The following NYAP2 variants were observed in gnomAD, a reference collection of about 807,000 sequenced individuals.
NYAP2 encodes the protein neuronal tyrosine-phosphorylated phosphoinositide-3-kinase adapter 2.
Under a neutral mutation model 50.4 loss-of-function variants are expected in NYAP2, and 23 were observed. That is an observed-to-expected ratio of 0.46 (90% CI 0.33 to 0.65). The LOEUF (loss-of-function observed/expected upper bound fraction) is 0.65, where lower values mean the gene tolerates loss of function less well. NYAP2 is among the 30% of genes least tolerant of loss of function. The probability of loss-of-function intolerance (pLI) is 0.02; values close to 1 mark genes in which losing one functional copy is unlikely to be tolerated. For missense variants in NYAP2, 885 were observed against 861.0 expected, an observed-to-expected ratio of 1.03 and a Z score of -0.35; for synonymous variants, 394 against 365.2, an observed-to-expected ratio of 1.08 and a Z score of -0.90.
chr2:225,492,675 C>A (rs188643467), intron 3 of NYAP2, among the ~76,000 whole-genome samples: 85 of 152,194 alleles, frequency 5.6e-4, no homozygotes, highest in Non-Finnish European at 8.8e-4. Flanking sequence ...TCTGGAGAGG[C>A]CTCAGGAAGT....
chr2:225,531,733 C>T (rs143825020), intron 4 of NYAP2, among the ~76,000 whole-genome samples: 30 of 152,318 alleles, frequency 2.0e-4, no homozygotes, highest in South Asian at 6.2e-4. Context: ...CCTCAGAGAG[C>T]GAGTGCATTT....
chr2:225,438,784 C>G (rs1689423732), intron 3 of NYAP2, among the ~76,000 whole-genome samples: 1 of 152,172 alleles, frequency 6.6e-6, no homozygotes, highest in Admixed American at 6.5e-5. Context: ...TGGAATTACA[C>G]ACGTCATACA....
the NYAP2 span, among the ~76,000 whole-genome samples, chr2:225,666,971 C>G: frequency 1.3e-5 from 2 of 151,800 alleles, no homozygotes; most frequent in African/African-American, 4.8e-5. Context: ...AATGTTATGC[C>G]AGGGTCAGAT....
intron 6 of NYAP2, among the ~76,000 whole-genome samples, chr2:225,641,300 G>C (rs1441451116): frequency 6.6e-6 from 1 of 152,044 alleles, no homozygotes; most frequent in East Asian, 1.9e-4. Flanking sequence ...AGAAGACTCT[G>C]TCTGAATTAT....
rs368025746 is a variant in NYAP2, at chr2:225,437,077, CAT to C, written c.221+27991_221+27992del. On this transcript the variant is annotated intron_variant, in intron 3 of 6. Transcript: ENST00000636099. ...AAGTGGAAAATACAGTTCATCAAAT[CAT>C]ATATATATATATATGTATATATAGC... Among the ~76,000 whole-genome samples the C allele has an allele frequency of 7.8e-3, 1,167 of 148,976 alleles. 11 individuals are homozygous for C. The highest frequency in any genetic ancestry group is 0.025 in the African/African-American group (1,024 of 40,736).
intron 5 of NYAP2, among the ~76,000 whole-genome samples, chr2:225,607,258 G>A (rs1299789530): frequency 6.6e-6 from 1 of 152,062 alleles, no homozygotes; most frequent in Non-Finnish European, 1.5e-5. Context: ...GGCAGAGAAA[G>A]TAAGAAAATG....
chr2:225,582,962 C>T lies in NYAP2; in HGVS notation c.1545C>T (p.Thr515=), dbSNP rs1692323954. The T allele has an allele frequency of 6.2e-7, 1 of 1,612,408 alleles. No homozygotes were observed. The highest frequency in any genetic ancestry group is 8.5e-7 in the Non-Finnish European group (1 of 1,179,740). ...CCACGAGCCCGCTGGAGGAGCTGAC[C>T]AGCCTCTTCTCCTCCGGCCGCAGCC... The change falls in exon 5 of 7, where the codon ACC becomes ACT. Residue 515 remains threonine, a synonymous_variant. Transcript: ENST00000636099. The surrounding 1 kb of genome is among the most constrained non-coding windows in gnomAD (Gnocchi z 7.0).
chr2:225,588,926 G>A (rs1692439878), intron 5 of NYAP2, among the ~76,000 whole-genome samples: 2 of 152,136 alleles, frequency 1.3e-5, no homozygotes, highest in Admixed American at 6.5e-5. Flanking sequence ...GACCTGAAGT[G>A]CCATCTACTA....
intron 4 of NYAP2, among the ~76,000 whole-genome samples, chr2:225,550,452 G>A (rs1691652827): frequency 6.6e-6 from 1 of 152,216 alleles, no homozygotes; most frequent in Non-Finnish European, 1.5e-5. Context: ...GGTGATCAGG[G>A]AAAAATAATC....
intron 4 of NYAP2, among the ~76,000 whole-genome samples, chr2:225,561,743 A>G (rs1691878852): frequency 6.6e-6 from 1 of 152,146 alleles, no homozygotes; most frequent in Non-Finnish European, 1.5e-5. Context: ...TGTAAAAATC[A>G]GTATGTTTTT....
intron 3 of NYAP2, among the ~76,000 whole-genome samples, chr2:225,490,140 A>G (rs766067904): frequency 3.9e-5 from 6 of 152,256 alleles, no homozygotes; most frequent in Middle Eastern, 3.4e-3. Context: ...CCTTTAATTC[A>G]TATCTATCCA....
chr2:225,594,720 TGG>T (rs1692567334), intron 5 of NYAP2, among the ~76,000 whole-genome samples: 1 of 152,216 alleles, frequency 6.6e-6, no homozygotes, highest in African/African-American at 2.4e-5. Flanking sequence ...TAATTTTTTT[TGG>T]AATTCAGTAA....
chr2:225,527,047 C>G (rs1462873678), intron 4 of NYAP2, among the ~76,000 whole-genome samples: 7 of 152,300 alleles, frequency 4.6e-5, no homozygotes, highest in South Asian at 4.1e-4. Context: ...GTCAAGTCAT[C>G]ATGCAATGCA....
downstream of NYAP2, among the ~76,000 whole-genome samples, chr2:225,656,692 T>C (rs941213219): frequency 2.0e-4 from 31 of 152,016 alleles, no homozygotes; most frequent in African/African-American, 6.5e-4. Flanking sequence ...AAAAAGAAGA[T>C]AGACAACCCA....
chr2:225,639,469 T>A (rs1157040500), intron 6 of NYAP2, among the ~76,000 whole-genome samples: 1 of 152,110 alleles, frequency 6.6e-6, no homozygotes, highest in East Asian at 1.9e-4. Context: ...TATCTGACAT[T>A]TTTTTCTTTT....
At chr2:225,528,871 C>T (rs1691202367) in intron 4 of NYAP2, among the ~76,000 whole-genome samples, 1 of 152,200 alleles carries the variant, frequency 6.6e-6, no homozygotes, top group Admixed American at 6.5e-5. Context: ...CCAAGTTATA[C>T]AATTCCTTAA....
chr2:225,582,638 C>T lies in NYAP2; in HGVS notation c.1221C>T (p.Thr407=). ...CGGCCCTGGGACCTGCCTCTGCCAC[C>T]CCTGCGCTCTCCTCGTCGCCCCCAC... The change falls in exon 5 of 7, where the codon ACC becomes ACT. Residue 407 remains threonine, a synonymous_variant. Transcript: ENST00000636099. This position sits in a 1 kb window ranked among gnomAD's most constrained non-coding sequence, Gnocchi z 7.0. 1 of 1,597,032 alleles carries T rather than the reference C, an allele frequency of 6.3e-7. No individual in the cohort carries two copies. The highest frequency in any genetic ancestry group is 1.1e-5 in the South Asian group (1 of 88,058).
intron 3 of NYAP2, among the ~76,000 whole-genome samples, chr2:225,489,294 AG>A (rs1259999543): frequency 6.6e-6 from 1 of 151,976 alleles, no homozygotes; most frequent in African/African-American, 2.4e-5. Context: ...CCTGTGTTCA[AG>A]CAATTCTCCT....
rs1245405268 is a variant in NYAP2, at chr2:225,446,244, CTCTATATATATA to C, written c.221+37145_221+37156del. ...TCTCTCTCTCTCTCTCTCTCTCTCT[CTCTATATATATA>C]TATATATATATATATATATATATAT... On this transcript the variant is annotated intron_variant, in intron 3 of 6. Coordinates refer to ENST00000636099, the Ensembl canonical transcript of NYAP2. 6.0e-3 allele frequency among the ~76,000 whole-genome samples: 669 copies of C among 111,986 alleles called. 4 individuals carry two copies. Among genetic ancestry groups the C allele is most frequent in the African/African-American group, 0.019 (565 of 29,926 alleles). 73.5% of individuals were successfully genotyped at this position (111,986 alleles called of 152,430 possible). A position where few individuals can be genotyped will look rare whatever the true frequency, so the allele number is the denominator to read the frequency against.
Sources: allele counts gnomAD v4.1 joint callset (sites outside exome capture counted in the v4.1 genomes callset), GRCh38; gene constraint gnomAD v4.1.1; non-coding constraint Gnocchi (gnomAD v3.1); transcripts MANE v1.5; gene names NCBI Gene and HGNC (gene_info 2026-07-23, HGNC 2026-07-21).